The following LRRIQ3 variants were observed in gnomAD, a reference collection of about 807,000 sequenced individuals.
LRRIQ3 encodes leucine-rich repeat and IQ domain-containing protein 3.
A neutral mutation model predicts 59.3 loss-of-function variants in LRRIQ3; 75 were observed. The observed-to-expected ratio is 1.26, with a 90% CI of 1.05 to 1.53. The LOEUF is 1.53. Among genes scored for constraint, LRRIQ3 ranks in the 40% most tolerant of loss-of-function variants. LRRIQ3 has a pLI of 0.00. For synonymous variants in LRRIQ3, 250 were observed against 231.3 expected, an observed-to-expected ratio of 1.08 and a Z score of -0.73; for missense variants, 831 against 710.0, an observed-to-expected ratio of 1.17 and a Z score of -1.94.
At chr1:74,162,851 G>A (rs1648742666) in intron 3 of LRRIQ3, among the ~76,000 whole-genome samples, 1 of 151,638 alleles carries the variant, frequency 6.6e-6, no homozygotes, top group Non-Finnish European at 1.5e-5. Context: ...AGGGTAGAGG[G>A]AAAGAAGAGA....
At chr1:74,138,794 T>C (rs1307768981) in intron 4 of LRRIQ3, among the ~76,000 whole-genome samples, 2 of 151,878 alleles carry the variant, frequency 1.3e-5, no homozygotes, top group African/African-American at 4.8e-5. Context: ...AGGATGTAAC[T>C]GGGTTACATA....
At chr1:74,049,389 G>T (rs1004479393) in intron 6 of LRRIQ3, among the ~76,000 whole-genome samples, 2 of 152,188 alleles carry the variant, frequency 1.3e-5, no homozygotes, top group Admixed American at 6.6e-5. Flanking sequence ...CTAAGTAGGG[G>T]ACTGGTTAAG....
chr1:74,054,351 A>G (rs1429864305), intron 6 of LRRIQ3, among the ~76,000 whole-genome samples: 1 of 152,178 alleles, frequency 6.6e-6, no homozygotes, highest in African/African-American at 2.4e-5. Context: ...TAATAGTAAA[A>G]ACATCAGTGG....
At chr1:74,099,359 G>A (rs1250559961) in intron 5 of LRRIQ3, among the ~76,000 whole-genome samples, 1 of 152,118 alleles carries the variant, frequency 6.6e-6, no homozygotes, top group African/African-American at 2.4e-5. Flanking sequence ...AAACCAGGAA[G>A]AAGCTGAATC....
intron 3 of LRRIQ3, among the ~76,000 whole-genome samples, chr1:74,170,623 TTG>T (rs1489878013): frequency 2.0e-5 from 3 of 152,146 alleles, no homozygotes; most frequent in Admixed American, 1.3e-4. Context: ...TATTTGGTTT[TTG>T]TGTTTGTTTT....
intron 6 of LRRIQ3, among the ~76,000 whole-genome samples, chr1:74,048,570 C>A (rs753655872): frequency 2.7e-4 from 41 of 152,136 alleles, no homozygotes; most frequent in Non-Finnish European, 2.5e-4. Flanking sequence ...ATCTATCTAT[C>A]CTTCCATCCA....
At chr1:74,150,443 A>G (rs1483143733) in intron 4 of LRRIQ3, among the ~76,000 whole-genome samples, 7 of 152,150 alleles carry the variant, frequency 4.6e-5, no homozygotes, top group Non-Finnish European at 7.3e-5. Flanking sequence ...ATTGTAATAT[A>G]TAGTGATGAT....
In LRRIQ3 at chr1:74,150,637, C is replaced by T. The variant is rs1647871901; in HGVS notation, c.707+5096G>A. 2.0e-5 allele frequency among the ~76,000 whole-genome samples: 3 copies of T among 152,126 alleles called. No individual in the cohort carries two copies. The South Asian group carries it at 6.2e-4, about 32-fold the overall frequency. On this transcript the variant is annotated intron_variant, in intron 4 of 7. Coordinates refer to ENST00000354431, the MANE Select transcript of LRRIQ3 (RefSeq NM_001105659.2). Reference sequence around the variant, plus strand: ...AGCCCTAGCATTTAGATGGTTCCTACATTAACATTACCTGCAAAAAGAAAT... The same window carrying T: ...AGCCCTAGCATTTAGATGGTTCCTATATTAACATTACCTGCAAAAAGAAAT...
chr1:74,104,284 A>ACAGCTGTT lies in LRRIQ3; in HGVS notation c.867+5102_867+5109dup, dbSNP rs1482094727. Among the ~76,000 whole-genome samples, 4 of 151,994 alleles carry ACAGCTGTT rather than the reference A, an allele frequency of 2.6e-5. No individual in the cohort carries two copies. In the South Asian group the frequency reaches 8.3e-4, roughly 31 times the overall value. ...ATTGCTGATGGGAATGCAAAATGCT[A>ACAGCTGTT]CAGCTGTTTGTATGACATTCTCGTC... On this transcript the variant is annotated intron_variant, in intron 5 of 7. Coordinates refer to ENST00000354431, the MANE Select transcript of LRRIQ3 (RefSeq NM_001105659.2).
intron 4 of LRRIQ3, among the ~76,000 whole-genome samples, chr1:74,111,882 A>C (rs1169843444): frequency 1.3e-5 from 2 of 152,030 alleles, no homozygotes; most frequent in Non-Finnish European, 2.9e-5. Flanking sequence ...GAAATGCATA[A>C]ATTTATCTCA....
intron 4 of LRRIQ3, among the ~76,000 whole-genome samples, chr1:74,151,402 T>A (rs1485179527): frequency 1.3e-5 from 2 of 152,126 alleles, no homozygotes; most frequent in Non-Finnish European, 2.9e-5. Flanking sequence ...GAAGGCAAAT[T>A]TTTTTAAATA....
intron 5 of LRRIQ3, among the ~76,000 whole-genome samples, chr1:74,099,496 A>G (rs1646499800): frequency 6.6e-6 from 1 of 152,190 alleles, no homozygotes; most frequent in African/African-American, 2.4e-5. Flanking sequence ...AGCTGGTACC[A>G]TTCCTTCTGA....
rs879074637 is a variant in LRRIQ3, at chr1:74,041,643, G to A, written c.1288C>T (p.Gln430Ter). ...TCTTTATGGTATTCCTGCTTCTTTT[G>A]TTCTGTGTAATATTTGTCAATATCA... ...FSDIDKYYTE[Q>*]KKQEYHKEKV... Residue 430 changes from glutamine to a stop codon, truncating the protein, a stop_gained, in exon 7 of 8, where the codon CAA becomes TAA. Coordinates refer to ENST00000354431, the MANE Select transcript of LRRIQ3 (RefSeq NM_001105659.2). LOFTEE classifies it high-confidence loss of function. The A allele has an allele frequency of 1.9e-6, 3 of 1,613,458 alleles. No homozygotes were observed. Among genetic ancestry groups the A allele is most frequent in the South Asian group, 1.1e-5 (1 of 91,062 alleles).
chr1:74,032,569 C>A (rs534987611), intron 7 of LRRIQ3, among the ~76,000 whole-genome samples: 1 of 152,068 alleles, frequency 6.6e-6, no homozygotes, highest in African/African-American at 2.4e-5. Flanking sequence ...ATGTAAAACC[C>A]TTCTTATACT....
intron 6 of LRRIQ3, among the ~76,000 whole-genome samples, chr1:74,042,712 C>A (rs1654084299): frequency 1.3e-5 from 2 of 152,038 alleles, no homozygotes; most frequent in Admixed American, 1.3e-4. Flanking sequence ...TAGTAGCAGC[C>A]ATCAATCGTT....
At position 74,153,094 on chromosome 1, in the gene LRRIQ3, C is replaced by T. The variant is rs186493667; in HGVS notation, c.707+2639G>A. Among the ~76,000 whole-genome samples, 13 of 151,962 alleles carry T rather than the reference C, an allele frequency of 8.6e-5. No individual in the cohort carries two copies. In the East Asian group the frequency reaches 2.5e-3, roughly 29 times the overall value. On this transcript the variant is annotated intron_variant, in intron 4 of 7. Coordinates refer to ENST00000354431, the MANE Select transcript of LRRIQ3 (RefSeq NM_001105659.2). ...TAAATTTTGTTTCCTATATTTTTTC[C>T]ATTCTTTTTCCTTTTTTACAACCCA...
At chr1:74,178,357 T>C (rs555476380) in intron 3 of LRRIQ3, among the ~76,000 whole-genome samples, 194 of 152,196 alleles carry the variant, frequency 1.3e-3, no homozygotes, top group African/African-American at 4.6e-3. Flanking sequence ...ATAGACTGTT[T>C]AACTGTATAT....
rs1557597746 is a variant in LRRIQ3, at chr1:74,060,240, TTCTTCTTCTTCTTCTTCC to T, written c.997+14403_997+14420del. ...CTTCTTGTTCTTCTTCTTCTTCTTC[TTCTTCTTCTTCTTCTTCC>T]TCTTCCTCTTCTTTCTCTTCCTCCT... On this transcript the variant is annotated intron_variant, in intron 6 of 7. Transcript: ENST00000354431. Among the ~76,000 whole-genome samples the T allele has an allele frequency of 3.8e-3, 442 of 115,386 alleles. 2 individuals are homozygous for T. Among genetic ancestry groups the T allele is most frequent in the African/African-American group, 0.012 (417 of 33,826 alleles). The allele number at this position is 115,386 out of a possible 152,430, so 75.7% of individuals were successfully genotyped here.
intron 3 of LRRIQ3, among the ~76,000 whole-genome samples, chr1:74,166,304 T>C (rs1290946697): frequency 6.6e-6 from 1 of 151,642 alleles, no homozygotes; most frequent in Admixed American, 6.6e-5. Context: ...TTTTTTTCTG[T>C]AGAAGTGTTT....
Sources: allele counts gnomAD v4.1 joint callset (sites outside exome capture counted in the v4.1 genomes callset), GRCh38; gene constraint gnomAD v4.1.1; transcripts MANE v1.5; gene names NCBI Gene and HGNC (gene_info 2026-07-23, HGNC 2026-07-21).